The following PSME4 variants were observed in gnomAD, a reference collection of about 807,000 sequenced individuals.
PSME4 encodes proteasome activator complex subunit 4.
A neutral mutation model predicts 253.9 loss-of-function variants in PSME4; 89 were observed. That is an observed-to-expected ratio of 0.35 (90% CI 0.30 to 0.42). The LOEUF (loss-of-function observed/expected upper bound fraction) is 0.42. Among genes scored for constraint, PSME4 ranks in the 10% least tolerant of loss-of-function variants. PSME4 has a pLI of 1.00. For synonymous variants in PSME4, 851 were observed against 759.2 expected, an observed-to-expected ratio of 1.12 and a Z score of -1.99; for missense variants, 2,014 against 2,195.2, an observed-to-expected ratio of 0.92 and a Z score of 1.65.
chr2:53,926,828 G>T (rs2104455891), intron 12 of PSME4, among the ~76,000 whole-genome samples: 1 of 151,982 alleles, frequency 6.6e-6, no homozygotes, highest in South Asian at 2.1e-4. Flanking sequence ...CAAAAAATTA[G>T]CCAGGCATGG....
At chr2:53,877,247 C>CA (rs1204678801) in intron 41 of PSME4, among the ~76,000 whole-genome samples, 10,236 of 50,008 alleles carry the variant, frequency 0.2, 718 homozygotes, top group African/African-American at 0.29. Flanking sequence ...CCTGCCTCTA[C>CA]AAAAAAAAAA....
chr2:53,963,352 G>C (rs966751248), intron 1 of PSME4, among the ~76,000 whole-genome samples: 3 of 151,876 alleles, frequency 2.0e-5, no homozygotes, highest in African/African-American at 4.8e-5. Context: ...ACACAAAAAA[G>C]AAAGAGCGCA....
rs746839804 is a variant in PSME4, at chr2:53,875,726, G to A, written c.4845C>T (p.Tyr1615=). ...ACTTTGCATCTCTTTTCAGTTCATC[G>A]TAGCTATTGTCATTTTCCACTGGGG... ...KIAPVENDNS[Y]DELKRDAKLC... is the part of the protein sequence containing the mutation. Residue 1615 remains tyrosine (Y), a synonymous_variant, in exon 42 of 47, where the codon TAC becomes TAT. Transcript: ENST00000404125. The A allele has an allele frequency of 1.4e-5, 23 of 1,612,424 alleles. 1 individual carries two copies. In the Admixed American group the frequency reaches 2.8e-4, roughly 20 times the overall value.
chr2:53,889,477 AC>A (rs1322098167), intron 37 of PSME4, among the ~76,000 whole-genome samples: 1 of 151,272 alleles, frequency 6.6e-6, no homozygotes, highest in Non-Finnish European at 1.5e-5. Flanking sequence ...CCATCCCCCC[AC>A]CCCCTTCTGA....
At chr2:53,900,145 TATATGAAATATCTAATAATGGGCA>T in intron 28 of PSME4, 128 bp from the exon 29 acceptor site, 1 of 882,204 alleles carries the variant, frequency 1.1e-6, no homozygotes, top group African/African-American at 1.7e-5. Flanking sequence ...CGATTCCATT[TATATGAAATATCTAATAATGGGCA>T]AATTTATTGA....
Position 53,923,121 on chromosome 2 carries a change from G to T in PSME4, c.1909-3C>A. On this transcript the variant is annotated splice_region_variant and splice_polypyrimidine_tract_variant and intron_variant, in intron 15 of 46. Coordinates refer to ENST00000404125, the MANE Select transcript of PSME4 (RefSeq NM_014614.3). ...TTCAAAGATTCTTCTGGGCAGCACT[G>T]AAAATGTATTTGTATAAGTAAGGCT... 5.6e-6 allele frequency: 9 copies of T among 1,602,878 alleles called. No homozygotes were observed. The highest frequency in any genetic ancestry group is 7.7e-6 in the Non-Finnish European group (9 of 1,173,892).
intron 18 of PSME4, 54 bp downstream of exon 18, chr2:53,920,835 C>A: frequency 6.9e-7 from 1 of 1,457,110 alleles, no homozygotes; most frequent in Non-Finnish European, 9.5e-7. Context: ...CTTTGAATCC[C>A]TTAAAACAAA....
At chr2:53,912,938 A>G (rs923372007) in intron 20 of PSME4, among the ~76,000 whole-genome samples, 7 of 152,348 alleles carry the variant, frequency 4.6e-5, no homozygotes, top group Middle Eastern at 6.8e-3. Flanking sequence ...TCTTAAGTGA[A>G]TAGTCTTAAG....
chr2:53,866,448 T>C (rs181284007), intron 45 of PSME4, among the ~76,000 whole-genome samples: 2 of 152,338 alleles, frequency 1.3e-5, no homozygotes, highest in East Asian at 3.9e-4. Context: ...TAAAATACTT[T>C]GCAGTGCTAG....
At position 53,931,915 on chromosome 2, in the gene PSME4, G is replaced by A. The variant is rs199722516; in HGVS notation, c.1236C>T (p.Thr412=). ...AAGCCTGGGCTGCTTCTAGACTACC[G>A]GTTTTGCTAAACATAGCCAAGAGGA... The part of the protein sequence containing the change: ...QPVLLAMFSK[T]GSLEAAQALQ... Residue 412 remains threonine (T), a synonymous_variant, in exon 10 of 47, where the codon ACC becomes ACT. Transcript: ENST00000404125. The A allele has an allele frequency of 5.0e-5, 80 of 1,613,942 alleles. No homozygotes were observed. In the Middle Eastern group the frequency reaches 6.6e-4, roughly 13 times the overall value.
At chr2:53,949,380 A>G in intron 1 of PSME4, 97 bp from the exon 2 acceptor site, 1 of 673,016 alleles carries the variant, frequency 1.5e-6, no homozygotes, top group Non-Finnish European at 2.3e-6. Flanking sequence ...TGTAGATGCA[A>G]CCTGAATGGC....
chr2:53,955,793 A>G (rs1450726856), intron 1 of PSME4, among the ~76,000 whole-genome samples: 2 of 151,890 alleles, frequency 1.3e-5, no homozygotes, highest in Non-Finnish European at 2.9e-5. Flanking sequence ...GTGATAGCGC[A>G]TGTCTGTAGT....
At chr2:53,956,479 G>A (rs951678383) in intron 1 of PSME4, among the ~76,000 whole-genome samples, 5 of 151,370 alleles carry the variant, frequency 3.3e-5, no homozygotes, top group South Asian at 2.1e-4. Flanking sequence ...GTAGTGAGCC[G>A]AGATCACGCC....
chr2:53,907,187 G>C (rs1266583149), intron 24 of PSME4, among the ~76,000 whole-genome samples: 2 of 152,142 alleles, frequency 1.3e-5, no homozygotes, highest in African/African-American at 2.4e-5. Flanking sequence ...TACAAAAACA[G>C]CCTACTAAGA....
At chr2:53,960,708 A>G (rs921504244) in intron 1 of PSME4, among the ~76,000 whole-genome samples, 1 of 152,210 alleles carries the variant, frequency 6.6e-6, no homozygotes, top group Non-Finnish European at 1.5e-5. Flanking sequence ...AGACTGATAA[A>G]CGTACATGAA....
rs369820641 is a variant in PSME4, at chr2:53,932,765, C to G, written c.958-5G>C. 6.2e-6 allele frequency: 10 copies of G among 1,609,638 alleles called. No homozygotes were observed. Among genetic ancestry groups the G allele is most frequent in the Non-Finnish European group, 7.7e-6 (9 of 1,176,006 alleles). ...CACTAGCTTACTTGGTCCACCCTGT[C>G]CAGATAAAAGAGTAAAAATGTCAGT... On this transcript the variant is annotated splice_polypyrimidine_tract_variant and splice_region_variant and intron_variant, in intron 8 of 46. Coordinates refer to ENST00000404125, the MANE Select transcript of PSME4 (RefSeq NM_014614.3).
At chr2:53,877,186 T>A (rs1463163185) in intron 41 of PSME4, among the ~76,000 whole-genome samples, 1 of 140,770 alleles carries the variant, frequency 7.1e-6, no homozygotes, top group Non-Finnish European at 1.5e-5. Context: ...GACTCCGGGG[T>A]GCTAAGTTGG....
At chr2:53,896,594 T>A (rs1047886195) in intron 32 of PSME4, among the ~76,000 whole-genome samples, 4 of 152,204 alleles carry the variant, frequency 2.6e-5, no homozygotes, top group African/African-American at 9.6e-5. Context: ...GTAGGTGAGA[T>A]AAATATGAAG....
intron 3 of PSME4, among the ~76,000 whole-genome samples, chr2:53,940,648 G>C (rs578017260): frequency 6.6e-6 from 1 of 151,282 alleles, no homozygotes; most frequent in African/African-American, 2.4e-5. Context: ...TAATAAAAAG[G>C]CCAATGTGTA....
Sources: allele counts gnomAD v4.1 joint callset (sites outside exome capture counted in the v4.1 genomes callset), GRCh38; gene constraint gnomAD v4.1.1; transcripts MANE v1.5; gene names NCBI Gene and HGNC (gene_info 2026-07-23, HGNC 2026-07-21).